The following FHIT variants were observed in gnomAD, a reference collection of about 807,000 sequenced individuals.
FHIT encodes bis(5'-adenosyl)-triphosphatase.
FHIT carries 19 observed loss-of-function variants against 17.9 expected under a neutral mutation model. The ratio of observed to expected loss-of-function variants is 1.06; its 90% confidence interval spans 0.74 to 1.56. FHIT has a LOEUF of 1.56. Ranked by LOEUF, FHIT falls within the 40% of genes most tolerant of loss-of-function variation. FHIT has a pLI of 0.00. For synonymous variants in FHIT, 81 were observed against 69.7 expected, an observed-to-expected ratio of 1.16 and a Z score of -0.81; for missense variants, 248 against 189.2, an observed-to-expected ratio of 1.31 and a Z score of -1.82.
At chr3:61,231,337 T>TA (rs1183998622) in intron 1 of FHIT, among the ~76,000 whole-genome samples, 2 of 151,704 alleles carry the variant, frequency 1.3e-5, no homozygotes, top group East Asian at 1.9e-4. Context: ...ACAAAAAGTT[T>TA]AAAAAAAATT....
At chr3:60,961,611 T>C (rs1709449064) in intron 3 of FHIT, among the ~76,000 whole-genome samples, 1 of 152,200 alleles carries the variant, frequency 6.6e-6, no homozygotes, top group African/African-American at 2.4e-5. Flanking sequence ...TTGTATAGCG[T>C]GTAAGGAAGG....
At chr3:60,000,833 C>A (rs1327621687) in intron 7 of FHIT, among the ~76,000 whole-genome samples, 1 of 152,166 alleles carries the variant, frequency 6.6e-6, no homozygotes, top group Admixed American at 6.6e-5. Context: ...AGTGTAACGG[C>A]TCCCCGCCCA....
intron 5 of FHIT, among the ~76,000 whole-genome samples, chr3:60,087,400 G>A (rs1576069703): frequency 2.0e-5 from 3 of 152,214 alleles, no homozygotes; most frequent in Non-Finnish European, 4.4e-5. Flanking sequence ...CTGGGCAATA[G>A]CATTGGATTC....
At chr3:59,977,113 G>T (rs776616441) in intron 7 of FHIT, among the ~76,000 whole-genome samples, 1 of 151,974 alleles carries the variant, frequency 6.6e-6, no homozygotes, top group Non-Finnish European at 1.5e-5. Context: ...AGAGGGCCCG[G>T]GAACCAAAAG....
chr3:60,387,469 C>T (rs540335014), intron 5 of FHIT, among the ~76,000 whole-genome samples: 27 of 152,252 alleles, frequency 1.8e-4, no homozygotes, highest in Admixed American at 1.0e-3. Flanking sequence ...TTGGTGGTTG[C>T]GGTCTAAGTG....
intron 4 of FHIT, among the ~76,000 whole-genome samples, chr3:60,736,008 A>G (rs1322082698): frequency 6.6e-6 from 1 of 152,212 alleles, no homozygotes; most frequent in Non-Finnish European, 1.5e-5. Flanking sequence ...TAGCTCACAA[A>G]GAAGAAATAC....
chr3:60,529,887 C>T (rs150506811), intron 5 of FHIT, among the ~76,000 whole-genome samples: 1 of 152,248 alleles, frequency 6.6e-6, no homozygotes, highest in African/African-American at 2.4e-5. Context: ...CCCTCTCCCC[C>T]AGCATACATA....
At chr3:60,534,925 C>T (rs560198885) in intron 5 of FHIT, among the ~76,000 whole-genome samples, 1 of 152,290 alleles carries the variant, frequency 6.6e-6, no homozygotes, top group East Asian at 1.9e-4. Flanking sequence ...TTTTAGACAT[C>T]ACTTTTTCTG....
At chr3:60,717,340 T>C (rs1283219472) in intron 4 of FHIT, among the ~76,000 whole-genome samples, 1 of 152,138 alleles carries the variant, frequency 6.6e-6, no homozygotes, top group Admixed American at 6.6e-5. Context: ...CACAAAAATT[T>C]ATGAGATGAT....
chr3:60,736,582 C>A (rs894215763), intron 4 of FHIT, among the ~76,000 whole-genome samples: 1 of 152,086 alleles, frequency 6.6e-6, no homozygotes, highest in Non-Finnish European at 1.5e-5. Flanking sequence ...GTGAAATGTC[C>A]AGAATAGGTA....
At chr3:60,346,756 G>A (rs941040619) in intron 5 of FHIT, among the ~76,000 whole-genome samples, 9 of 152,140 alleles carry the variant, frequency 5.9e-5, no homozygotes, top group African/African-American at 1.9e-4. Flanking sequence ...TGTGCAAGAT[G>A]AGTTTTGAGA....
At chr3:59,998,512 C>A (rs569939226) in intron 7 of FHIT, among the ~76,000 whole-genome samples, 1 of 152,044 alleles carries the variant, frequency 6.6e-6, no homozygotes, top group East Asian at 1.9e-4. Flanking sequence ...GGGAGGACCT[C>A]GTGTTCTTTA....
chr3:60,441,298 A>G (rs58044922), intron 5 of FHIT, among the ~76,000 whole-genome samples: 1 of 151,932 alleles, frequency 6.6e-6, no homozygotes, highest in Non-Finnish European at 1.5e-5. Context: ...CAATGCAGGG[A>G]GTTTACTCAC....
intron 4 of FHIT, among the ~76,000 whole-genome samples, chr3:60,595,138 C>T (rs1428247429): frequency 6.6e-6 from 1 of 152,020 alleles, no homozygotes; most frequent in Non-Finnish European, 1.5e-5. Context: ...GGGAGCATTA[C>T]AGATTGATTC....
intron 3 of FHIT, among the ~76,000 whole-genome samples, chr3:60,962,537 GC>G (rs1400706560): frequency 2.0e-5 from 3 of 152,228 alleles, no homozygotes; most frequent in East Asian, 1.9e-4. Flanking sequence ...TTCCAGTTTT[GC>G]CAATTCAGTA....
chr3:59,967,890 G>T lies in FHIT; in HGVS notation c.279+43481C>A, dbSNP rs992131148. ...AGTCTAAGAAACATAAAAGAAAAAA[G>T]AATGGAGAAAAGATATCTTAGAAAA... is the stretch of plus-strand genomic sequence containing the variant. On this transcript the variant is annotated intron_variant, in intron 7 of 9. Transcript: ENST00000492590. 3.2e-4 allele frequency among the ~76,000 whole-genome samples: 49 copies of T among 152,054 alleles called. 1 individual carries two copies. The highest frequency in any genetic ancestry group is 1.2e-3 in the African/African-American group (48 of 41,414).
chr3:60,715,130 G>A (rs1360874772), intron 4 of FHIT, among the ~76,000 whole-genome samples: 6 of 151,690 alleles, frequency 4.0e-5, no homozygotes, highest in African/African-American at 9.7e-5. Context: ...AAATAATGCC[G>A]CATATCTACA....
intron 5 of FHIT, among the ~76,000 whole-genome samples, chr3:60,262,676 TA>T (rs1390169418): frequency 6.6e-6 from 1 of 151,932 alleles, no homozygotes; most frequent in African/African-American, 2.4e-5. Context: ...GAACTCTTTT[TA>T]CCCCTAAAAC....
chr3:60,329,924 G>T (rs1346835471), intron 5 of FHIT, among the ~76,000 whole-genome samples: 1 of 152,134 alleles, frequency 6.6e-6, no homozygotes, highest in Non-Finnish European at 1.5e-5. Flanking sequence ...AAATGCTCCT[G>T]ATGTAGAAAA....
Sources: allele counts gnomAD v4.1 joint callset (sites outside exome capture counted in the v4.1 genomes callset), GRCh38; gene constraint gnomAD v4.1.1; transcripts MANE v1.5; gene names NCBI Gene and HGNC (gene_info 2026-07-23, HGNC 2026-07-21).